Variants in PCDH11X observed in about 807,000 individuals in gnomAD.
The protein encoded by PCDH11X is protocadherin 11 X-linked.
Under a neutral mutation model 53.3 loss-of-function variants are expected in PCDH11X, and 18 were observed. That is an observed-to-expected ratio of 0.34 (90% CI 0.23 to 0.50). PCDH11X has a LOEUF of 0.50. PCDH11X is among the 20% of genes least tolerant of loss of function. The pLI, the probability that PCDH11X is intolerant of heterozygous loss-of-function variation, is 0.98. For missense variants in PCDH11X, 570 were observed against 1,032.4 expected (o/e 0.55, Z 6.14); for synonymous variants, 279 against 393.3 (o/e 0.71, Z 3.44).
At chrX:92,239,697 C>T (rs1205295442) in intron 7 of PCDH11X, among the ~76,000 whole-genome samples, 1 of 111,583 alleles carries the variant, frequency 9.0e-6, no homozygotes, top group Non-Finnish European at 1.9e-5. Flanking sequence ...TGATGTAACT[C>T]AGAGTACTTT....
intron 6 of PCDH11X, among the ~76,000 whole-genome samples, chrX:92,132,622 A>AAT (rs1308431129): frequency 4.8e-5 from 4 of 83,743 alleles, no homozygotes; most frequent in South Asian, 6.3e-4. Context: ...GAAAAAAAGA[A>AAT]ATATATATAT....
Position 92,339,743 on chromosome X carries a change from G to A in PCDH11X, c.3145-47992G>A, listed in dbSNP as rs370802635. On this transcript the variant is annotated intron_variant, in intron 8 of 10. Transcript: ENST00000682573. ...CCATGATCCAGTCACCTCCCACCAG[G>A]CCCCACCTCCAACACTGGGCATTAC... Among the ~76,000 whole-genome samples the A allele has an allele frequency of 4.6e-5, 5 of 108,109 alleles. No individual in the cohort carries two copies. In the East Asian group the frequency reaches 1.2e-3, roughly 25 times the overall value. 93.9% of individuals were successfully genotyped at this position (108,109 alleles called of 115,157 possible).
At chrX:92,284,000 T>C (rs1489766921) in intron 8 of PCDH11X, among the ~76,000 whole-genome samples, 2 of 109,930 alleles carry the variant, frequency 1.8e-5, no homozygotes, top group African/African-American at 6.6e-5. Flanking sequence ...TTTAGCATGT[T>C]CACAATTTCA....
chrX:91,989,263 G>GAAAGAAGAAGA lies in PCDH11X; in HGVS notation c.3033+109998_3033+110008dup, dbSNP rs1344745866. ...TCTTGTGAAAAAAAAAAAGAAAAGAGAAAGAAGAAGAAAAGAAGGCCGGGC... is the reference window on the plus strand; with the variant it reads ...TCTTGTGAAAAAAAAAAAGAAAAGAGAAAGAAGAAGAAAAGAAGAAGAAAAGAAGGCCGGGC... On this transcript the variant is annotated intron_variant, in intron 6 of 10. Transcript: ENST00000682573. Among the ~76,000 whole-genome samples the GAAAGAAGAAGA allele has an allele frequency of 6.8e-4, 76 of 110,966 alleles. 2 individuals carry two copies. The highest frequency in any genetic ancestry group is 5.3e-3 in the Admixed American group (55 of 10,444).
At chrX:92,310,458 G>A (rs1255650226) in intron 8 of PCDH11X, among the ~76,000 whole-genome samples, 4 of 110,761 alleles carry the variant, frequency 3.6e-5, no homozygotes, top group African/African-American at 1.3e-4. Flanking sequence ...GCCCAGGCTC[G>A]ACTCACTGCA....
chrX:92,209,336 A>C (rs188017676), intron 7 of PCDH11X, among the ~76,000 whole-genome samples: 121 of 112,224 alleles, frequency 1.1e-3, no homozygotes, highest in African/African-American at 3.6e-3. Context: ...TCCGAGATAC[A>C]ACGAGGGTAC....
chrX:92,403,073 TTGAGATAC>T (rs1436448430), intron 9 of PCDH11X, among the ~76,000 whole-genome samples: 4 of 107,580 alleles, frequency 3.7e-5, no homozygotes, highest in African/African-American at 1.4e-4. Context: ...ACCTTGCCTC[TTGAGATAC>T]TGATAATGGA....
chrX:92,423,713 G>C (rs1406751158), intron 9 of PCDH11X, among the ~76,000 whole-genome samples: 2 of 95,678 alleles, frequency 2.1e-5, no homozygotes, highest in East Asian at 6.0e-4. Flanking sequence ...CATGTGGCTT[G>C]CCAATTATCC....
intron 6 of PCDH11X, chrX:91,883,529 G>A (rs533473668): frequency 5.3e-6 from 4 of 747,832 alleles, no homozygotes; most frequent in Non-Finnish European, 6.3e-6. Context: ...GAGTGGGCCG[G>A]GCGCGGTGGC....
chrX:91,974,339 C>G (rs1428461565), intron 6 of PCDH11X, among the ~76,000 whole-genome samples: 1 of 110,327 alleles, frequency 9.1e-6, no homozygotes, highest in Admixed American at 9.7e-5. Flanking sequence ...AATTGATAAC[C>G]TTTGTGGTGC....
intron 10 of PCDH11X, among the ~76,000 whole-genome samples, chrX:92,572,883 CAAAAAT>C (rs767403125): frequency 1.3e-3 from 143 of 106,206 alleles, no homozygotes; most frequent in Non-Finnish European, 2.3e-3. Context: ...CACTCCATCT[CAAAAAT>C]AAATAAATAA....
At chrX:91,909,632 C>A in intron 6 of PCDH11X, among the ~76,000 whole-genome samples, 1 of 105,443 alleles carries the variant, frequency 9.5e-6, no homozygotes, top group Middle Eastern at 4.8e-3. Flanking sequence ...AGATGCCTCC[C>A]TAGATTCAAA....
intron 6 of PCDH11X, among the ~76,000 whole-genome samples, chrX:92,049,603 G>GA (rs901000557): frequency 6.3e-5 from 7 of 110,553 alleles, no homozygotes; most frequent in African/African-American, 1.6e-4. Context: ...TTTATGGATA[G>GA]AAAAAAATAG....
intron 10 of PCDH11X, among the ~76,000 whole-genome samples, chrX:92,515,965 A>C (rs1398825584): frequency 3.6e-5 from 4 of 112,124 alleles, no homozygotes; most frequent in Non-Finnish European, 7.5e-5. Flanking sequence ...TATACTGCTC[A>C]TGATTCAGTA....
intron 6 of PCDH11X, among the ~76,000 whole-genome samples, chrX:92,087,196 G>C (rs1045689927): frequency 3.6e-5 from 4 of 110,360 alleles, no homozygotes; most frequent in African/African-American, 1.3e-4. Flanking sequence ...CCAGTTTTAA[G>C]TGATTCTCTT....
At chrX:92,446,333 A>G (rs1395981796) in intron 9 of PCDH11X, among the ~76,000 whole-genome samples, 3 of 110,774 alleles carry the variant, frequency 2.7e-5, no homozygotes, top group African/African-American at 9.9e-5. Context: ...AATATGTTAT[A>G]TGCAATGATA....
chrX:92,500,252 T>C (rs940635710), intron 10 of PCDH11X, among the ~76,000 whole-genome samples: 3 of 111,907 alleles, frequency 2.7e-5, no homozygotes, highest in African/African-American at 9.7e-5. Context: ...AATTCTATTG[T>C]AGATATCTCT....
intron 6 of PCDH11X, among the ~76,000 whole-genome samples, chrX:91,889,648 A>G (rs1249195704): frequency 9.0e-6 from 1 of 111,461 alleles, no homozygotes; most frequent in Non-Finnish European, 1.9e-5. Context: ...TTAATTATCC[A>G]AAGAAACTGC....
chrX:91,847,215 C>T (rs1392846369), intron 5 of PCDH11X, among the ~76,000 whole-genome samples: 1 of 110,282 alleles, frequency 9.1e-6, no homozygotes, highest in African/African-American at 3.3e-5. Context: ...AGTGTAGTGG[C>T]TTTGCACAGG....
Sources: gnomAD v4.1 joint callset for allele counts (sites outside exome capture counted in the v4.1 genomes callset) on GRCh38, gnomAD v4.1.1 for gene constraint, MANE v1.5 for transcripts, NCBI Gene and HGNC (gene_info 2026-07-23, HGNC 2026-07-21) for gene names.